MADCAM1: variants seen among roughly 807,000 people sequenced by gnomAD.
MADCAM1 encodes the protein mucosal vascular addressin cell adhesion molecule 1, also known as mucosal addressin cell adhesion molecule 1.
Under a neutral mutation model 26.1 loss-of-function variants are expected in MADCAM1, and 19 were observed. That is an observed-to-expected ratio of 0.73 (90% CI 0.51 to 1.07). MADCAM1 has a LOEUF of 1.07. Ranked by LOEUF, MADCAM1 falls within the 50% of genes least tolerant of loss-of-function variation. MADCAM1 has a pLI of 0.00. For synonymous variants in MADCAM1, 268 were observed against 260.9 expected (o/e 1.03, Z -0.26); for missense variants, 514 against 542.1 (o/e 0.95, Z 0.51).
chr19:498,079 G>A lies in MADCAM1; in HGVS notation c.299G>A (p.Gly100Asp), dbSNP rs1189264339. 1.4e-6 allele frequency: 2 copies of A among 1,451,430 alleles called. No homozygotes were observed. The highest frequency in any genetic ancestry group is 1.4e-5 in the South Asian group (1 of 71,182). The allele number at this position is 1,451,430 out of a possible 1,614,324, so 89.9% of individuals were successfully genotyped here. A position where few individuals can be genotyped will look rare whatever the true frequency, so the allele number is the denominator to read the frequency against. ...GTRVCVGSCGGRTFQHTVQLL... is the reference protein window; with the variant it reads ...GTRVCVGSCGDRTFQHTVQLL... ...CGCGTGTGCGTGGGCTCCTGCGGGG[G>A]CCGCACCTTCCAGCACACCGTGCAG... Residue 100 changes from glycine to aspartate, a missense_variant, in exon 2 of 5, where the codon GGC becomes GAC. Gly to Asp is a moderately conservative substitution (Grantham distance 94, BLOSUM62 -1). Coordinates refer to ENST00000215637, the MANE Select transcript of MADCAM1 (RefSeq NM_130760.3).
At chr19:497,522 G>A (rs1468526980) in intron 1 of MADCAM1, among the ~76,000 whole-genome samples, 3 of 150,702 alleles carry the variant, frequency 2.0e-5, no homozygotes, top group Non-Finnish European at 4.4e-5. Context: ...CCTGCCAGAG[G>A]AGGGGGCTCG....
intron 4 of MADCAM1, 22 bp from the exon 5 acceptor site, chr19:504,723 G>A: frequency 1.3e-6 from 2 of 1,570,000 alleles, no homozygotes; most frequent in Non-Finnish European, 1.7e-6. Context: ...TCTGACCGGG[G>A]TCTCCTGCAC....
In MADCAM1 at chr19:498,709, G is replaced by T. The variant is rs1233321886; in HGVS notation, c.551G>T (p.Arg184Met). The T allele has an allele frequency of 2.1e-6, 3 of 1,460,286 alleles. No homozygotes were observed. Among genetic ancestry groups the T allele is most frequent in the East Asian group, 5.0e-5 (2 of 39,874 alleles). 90.5% of individuals were successfully genotyped at this position (1,460,286 alleles called of 1,614,324 possible). ...EPQGDEDVLF[R>M]VTERWRLPPL... ...CAGGGGGACGAGGACGTGCTGTTCA[G>T]GGTGACAGAGCGCTGGCGGCTGCCG... Residue 184 changes from arginine (R) to methionine (M), a missense_variant, in exon 3 of 5, where the codon AGG becomes ATG. By Grantham distance (91) the Arg-to-Met change is moderately conservative. This residue lies in a region of MADCAM1 where 317 missense variants were observed against 313.6 expected (regional missense o/e 1.01). Transcript: ENST00000215637.
At position 498,787 on chromosome 19, in the gene MADCAM1, T is replaced by C; in HGVS notation, c.629T>C (p.Leu210Pro). The C allele has an allele frequency of 6.7e-7, 1 of 1,485,078 alleles. No individual in the cohort carries two copies. The highest frequency in any genetic ancestry group is 1.3e-5 in the South Asian group (1 of 79,478). 92.0% of individuals were successfully genotyped at this position (1,485,078 alleles called of 1,614,324 possible). A position where few individuals can be genotyped will look rare whatever the true frequency, so the allele number is the denominator to read the frequency against. ...CTCTACTGCCAGGCCACGATGAGGCTGCCTGGCTTGGAGCTCAGCCACCGC... is the reference window on the plus strand; with the variant it reads ...CTCTACTGCCAGGCCACGATGAGGCCGCCTGGCTTGGAGCTCAGCCACCGC... ...PALYCQATMR[L>P]PGLELSHRQA... Residue 210 changes from leucine (L) to proline (P), a missense_variant, in exon 3 of 5, where the codon CTG becomes CCG. Physicochemically the swap from Leu to Pro is moderately conservative, Grantham distance 98 (BLOSUM62 -3). Around this residue, in one of 3 missense-constraint regions of MADCAM1, gnomAD observed 317 missense variants for 313.6 expected, o/e 1.01. Transcript: ENST00000215637.
intron 3 of MADCAM1, 157 bp from the exon 4 acceptor site, chr19:501,512 A>C: frequency 5.6e-6 from 2 of 356,238 alleles, no homozygotes; most frequent in Non-Finnish European, 9.4e-6. Flanking sequence ...AAAAAAAAAA[A>C]AAAAAGAATA....
In MADCAM1 at chr19:505,041, C is replaced by A; in HGVS notation, c.*76C>A. ...TTGAGAACTGGTCAGGGCAAACCTG[C>A]CTCCCATTCTACTCAAAGTCATCCC... On this transcript the variant is annotated 3_prime_UTR_variant, in exon 5 of 5. Coordinates refer to ENST00000215637, the MANE Select transcript of MADCAM1 (RefSeq NM_130760.3). The A allele has an allele frequency of 1.9e-6, 2 of 1,061,702 alleles. No homozygotes were observed. The highest frequency in any genetic ancestry group is 2.7e-6 in the Non-Finnish European group (2 of 750,370). 65.8% of individuals were successfully genotyped at this position (1,061,702 alleles called of 1,614,324 possible). A position where few individuals can be genotyped will look rare whatever the true frequency, so the allele number is the denominator to read the frequency against.
At chr19:500,157 C>T (rs1288787158) in intron 3 of MADCAM1, 1 of 456,196 alleles carries the variant, frequency 2.2e-6, no homozygotes, top group Admixed American at 2.4e-5. Flanking sequence ...CAGCCTCCTC[C>T]CAACTCTCCT....
intron 3 of MADCAM1, chr19:501,424 G>A (rs1309814912): frequency 2.7e-6 from 1 of 371,138 alleles, no homozygotes; most frequent in Non-Finnish European, 4.7e-6. Flanking sequence ...AGCGGAGGTT[G>A]TGGTGAGCCA....
At position 498,528 on chromosome 19, in the gene MADCAM1, G is replaced by A. The variant is rs1229007634; in HGVS notation, c.370G>A (p.Ala124Thr). ...FPDQLTVSPA[A>T]LVPGDPEVAC... ...GGACCAGCTGACCGTCTCCCCAGCA[G>A]CCCTGGTGCCTGGTGACCCGGAGGT... Residue 124 changes from alanine to threonine, a missense_variant, in exon 3 of 5, where the codon GCC becomes ACC. Ala to Thr is a moderately conservative substitution (Grantham distance 58). Coordinates refer to ENST00000215637, the MANE Select transcript of MADCAM1 (RefSeq NM_130760.3). 2 of 1,469,380 alleles carry A rather than the reference G, an allele frequency of 1.4e-6. No individual in the cohort carries two copies. The highest frequency in any genetic ancestry group is 2.6e-5 in the East Asian group (1 of 37,962). The allele number at this position is 1,469,380 out of a possible 1,614,324, so 91.0% of individuals were successfully genotyped here.
chr19:504,872 C>A lies in MADCAM1; in HGVS notation c.1056C>A (p.Asp352Glu). 6.2e-7 allele frequency: 1 copy of A among 1,612,936 alleles called. No individual in the cohort carries two copies. The highest frequency in any genetic ancestry group is 8.5e-7 in the Non-Finnish European group (1 of 1,179,934). ...WKRCRHLAED[D>E]THPPASLRLL... ...GCTGCCGGCACCTGGCTGAGGACGA[C>A]ACCCACCCACCAGCTTCTCTGAGGC... Residue 352 changes from aspartate to glutamate, a missense_variant, in exon 5 of 5, where the codon GAC becomes GAA. This residue lies in a region of MADCAM1 where 152 missense variants were observed against 136.7 expected (regional missense o/e 1.11). Transcript: ENST00000215637.
At chr19:502,011 A>G in intron 4 of MADCAM1, 82 bp downstream of exon 4, 1 of 1,343,102 alleles carries the variant, frequency 7.4e-7, no homozygotes, top group Non-Finnish European at 9.7e-7. Flanking sequence ...TAGACAAGAA[A>G]TTGCCCTGCC....
intron 3 of MADCAM1, 184 bp from the exon 4 acceptor site, chr19:501,485 C>T: frequency 1.2e-5 from 1 of 81,420 alleles, no homozygotes; most frequent in Non-Finnish European, 2.0e-5. Context: ...AACTCTGTCT[C>T]AAAAAAAAAA....
At position 501,678 on chromosome 19, in the gene MADCAM1, G is replaced by A. The variant is rs1568317804; in HGVS notation, c.677G>A (p.Ser226Asn). The change falls in exon 4 of 5, where the codon AGC becomes AAC. Residue 226 changes from serine to asparagine, a missense_variant. By Grantham distance (46) the Ser-to-Asn change is conservative (BLOSUM62 1). Transcript: ENST00000215637. ...CTCACTCTGTTTCCAGTCCTGCACA[G>A]CCCGACCTCCCCGGAGCCTCCCGAC... ...SHRQAIPVLH[S>N]PTSPEPPDTT... 7.8e-7 allele frequency: 1 copy of A among 1,286,262 alleles called. No individual in the cohort carries two copies. Among genetic ancestry groups the A allele is most frequent in the Non-Finnish European group, 1.0e-6 (1 of 995,480 alleles). 79.7% of individuals were successfully genotyped at this position (1,286,262 alleles called of 1,614,324 possible).
intron 3 of MADCAM1, among the ~76,000 whole-genome samples, chr19:500,742 C>T (rs972470950): frequency 1.4e-4 from 22 of 152,204 alleles, no homozygotes; most frequent in African/African-American, 4.1e-4. Flanking sequence ...TGGTGGTGAG[C>T]GCCTGTAATT....
rs181948048 is a variant in MADCAM1 at position 503,383 on chromosome 19, C to T, written c.929-1362C>T. Among the ~76,000 whole-genome samples the T allele has an allele frequency of 7.0e-3, 1,053 of 150,694 alleles. 9 individuals are homozygous for T. Among genetic ancestry groups the T allele is most frequent in the South Asian group, 0.012 (56 of 4,784 alleles). ...GATCACGAGGTCAGGAGATCGAGAC[C>T]ATCCTGGCTAACACGGTGAAACCCC... On this transcript the variant is annotated intron_variant, in intron 4 of 4. Transcript: ENST00000215637.
intron 3 of MADCAM1, chr19:499,262 C>T (rs1039392629): frequency 2.2e-6 from 1 of 464,278 alleles, no homozygotes; most frequent in African/African-American, 2.0e-5. Context: ...GCCGGGAATA[C>T]CCTTCTTCCG....
At chr19:501,412 G>A (rs1018479537) in intron 3 of MADCAM1, 5 of 344,118 alleles carry the variant, frequency 1.5e-5, no homozygotes, top group Non-Finnish European at 2.5e-5. Context: ...TTGAACCTGA[G>A]GAGCGGAGGT....
At chr19:501,574 C>T in intron 3 of MADCAM1, 95 bp from the exon 4 acceptor site, 1 of 1,346,582 alleles carries the variant, frequency 7.4e-7, no homozygotes, top group Non-Finnish European at 9.9e-7. Context: ...TGGAGGGGTT[C>T]TGGTCCAAGC....
intron 2 of MADCAM1, 23 bp downstream of exon 2, chr19:498,140 G>T: frequency 2.3e-6 from 3 of 1,312,194 alleles, no homozygotes; most frequent in Non-Finnish European, 2.9e-6. Context: ...CCCGCGCCCT[G>T]CCTCTCTGAC....
Sources: allele counts gnomAD v4.1 joint callset (sites outside exome capture counted in the v4.1 genomes callset), GRCh38; gene constraint gnomAD v4.1.1; regional missense constraint gnomAD v4.1.1; transcripts MANE v1.5; gene names NCBI Gene and HGNC (gene_info 2026-07-23, HGNC 2026-07-21).